Variants in PCNX1 observed in about 807,000 individuals in gnomAD.
The protein encoded by PCNX1 is pecanex 1.
In PCNX1, 78 loss-of-function variants were observed where a neutral mutation model predicts 242.2. The observed-to-expected ratio is 0.32, with a 90% CI of 0.27 to 0.39. The LOEUF (loss-of-function observed/expected upper bound fraction) is 0.39, where lower values mean the gene tolerates loss of function less well. PCNX1 is among the 10% of genes least tolerant of loss of function. The pLI, the probability that PCNX1 is intolerant of heterozygous loss-of-function variation, is 1.00. For synonymous variants in PCNX1, 1,024 were observed against 1,032.9 expected, an observed-to-expected ratio of 0.99 and a Z score of 0.17; for missense variants, 2,581 against 2,856.5, an observed-to-expected ratio of 0.90 and a Z score of 2.20.
chr14:71,028,925 C>CA, intron 16 of PCNX1, 134 bp downstream of exon 16: 1 of 512,626 alleles, frequency 2.0e-6, no homozygotes, highest in Non-Finnish European at 3.4e-6. Flanking sequence ...ATATGTTAAA[C>CA]ATTATTCTCA....
At chr14:71,045,390 G>T (rs1269525310) in intron 20 of PCNX1, 107 bp downstream of exon 20, 37 of 821,800 alleles carry the variant, frequency 4.5e-5, no homozygotes, top group Non-Finnish European at 6.5e-5. Context: ...CATTTGGCTT[G>T]TGTTTCTTTT....
Position 71,033,828 on chromosome 14 carries a change from A to C in PCNX1, c.3669-103A>C, listed in dbSNP as rs539237306. On this transcript the variant is annotated intron_variant, in intron 17 of 35. Coordinates refer to ENST00000304743, the MANE Select transcript of PCNX1 (RefSeq NM_014982.3). ...ATTTCTCATTTGGTAATGATTAAATATACTCGAATCATTTGGTTTTCTATC... is the reference window on the plus strand; with the variant it reads ...ATTTCTCATTTGGTAATGATTAAATCTACTCGAATCATTTGGTTTTCTATC... The C allele has an allele frequency of 9.5e-4, 653 of 685,930 alleles. 3 individuals carry two copies. The highest frequency in any genetic ancestry group is 1.6e-3 in the Non-Finnish European group (602 of 387,104). The allele number at this position is 685,930 out of a possible 1,614,324, so 42.5% of individuals were successfully genotyped here. A position where few individuals can be genotyped will look rare whatever the true frequency, so the allele number is the denominator to read the frequency against.
intron 13 of PCNX1, among the ~76,000 whole-genome samples, chr14:71,025,776 G>A (rs547692421): frequency 1.3e-5 from 2 of 152,236 alleles, no homozygotes; most frequent in African/African-American, 2.4e-5. Context: ...GGCTGAGGCA[G>A]GAGGATCACT....
intron 2 of PCNX1, among the ~76,000 whole-genome samples, chr14:70,955,162 C>G (rs963147834): frequency 6.6e-6 from 1 of 152,098 alleles, no homozygotes; most frequent in East Asian, 1.9e-4. Flanking sequence ...ATTTCTAATG[C>G]TTCAGGAAGT....
intron 9 of PCNX1, among the ~76,000 whole-genome samples, chr14:71,011,263 G>A (rs780634161): frequency 8.5e-5 from 13 of 152,244 alleles, no homozygotes; most frequent in Admixed American, 1.3e-4. Context: ...AAGAGGAAAC[G>A]CAAGTATGAA....
intron 7 of PCNX1, among the ~76,000 whole-genome samples, chr14:70,993,253 T>A (rs1001254198): frequency 6.6e-6 from 1 of 151,564 alleles, no homozygotes; most frequent in Non-Finnish European, 1.5e-5. Flanking sequence ...CCCTAGTAGC[T>A]GGGATTACAG....
At chr14:70,976,706 C>T (rs898205314) in intron 5 of PCNX1, among the ~76,000 whole-genome samples, 1 of 151,982 alleles carries the variant, frequency 6.6e-6, no homozygotes, top group Non-Finnish European at 1.5e-5. Flanking sequence ...TGTTGATAGT[C>T]TATACAACTC....
At chr14:71,023,128 G>T in intron 12 of PCNX1, 72 bp from the exon 13 acceptor site, 1 of 1,051,024 alleles carries the variant, frequency 9.5e-7, no homozygotes, top group Non-Finnish European at 1.5e-6. Context: ...ATTCATTTCA[G>T]GCATTTTGAA....
chr14:70,978,402 C>T lies in PCNX1; in HGVS notation c.2065C>T (p.Arg689Ter). 1.2e-6 allele frequency: 2 copies of T among 1,614,154 alleles called. No individual in the cohort carries two copies. The highest frequency in any genetic ancestry group is 8.5e-7 in the Non-Finnish European group (1 of 1,180,030). The change falls in exon 6 of 36, where the codon CGA (arginine) becomes TGA (stop). Residue 689 changes from arginine (R) to a stop codon, truncating the protein, a stop_gained. Transcript: ENST00000304743. LOFTEE classifies it high-confidence loss of function. ...CACAAATAGTGCCAAGACTCGTGCC[C>T]GAGTGTTGAGCCTGGACAGTGGCAC... The part of the protein sequence containing the change: ...SSTNSAKTRA[R>*]VLSLDSGTVA...
At chr14:70,956,944 C>G (rs1201579962) in intron 2 of PCNX1, among the ~76,000 whole-genome samples, 2 of 152,004 alleles carry the variant, frequency 1.3e-5, no homozygotes, top group African/African-American at 4.8e-5. Flanking sequence ...AAAGCACGTA[C>G]TGCTATGACT....
chr14:71,108,702 C>T lies in PCNX1; in HGVS notation c.6400C>T (p.Arg2134Trp), dbSNP rs771211340. The T allele has an allele frequency of 1.4e-5, 22 of 1,614,094 alleles. No individual in the cohort carries two copies. Among genetic ancestry groups the T allele is most frequent in the East Asian group, 2.2e-5 (1 of 44,900 alleles). ...CCAGTCTTCCTACTGCTATAGCAGC[C>T]GGCATTCATCCCTCCGGATGTCCAC... The part of the protein sequence containing the change: ...ASQSSYCYSS[R>W]HSSLRMSTTG... Residue 2134 changes from arginine to tryptophan, a missense_variant, in exon 34 of 36, where the codon CGG becomes TGG. Physicochemically the swap from Arg to Trp is moderately radical, Grantham distance 101. This residue lies in a region of PCNX1 where 432 missense variants were observed against 433.6 expected (regional missense o/e 1.00). Transcript: ENST00000304743.
rs1160806383 is a variant in PCNX1, at chr14:70,977,290, C to A, written c.953C>A (p.Ser318Tyr). The change falls in exon 6 of 36, where the codon TCT becomes TAT. Residue 318 changes from serine to tyrosine, a missense_variant. Around this residue, in one of 9 missense-constraint regions of PCNX1, gnomAD observed 1,204 missense variants for 1,216.7 expected, o/e 0.99. Coordinates refer to ENST00000304743, the MANE Select transcript of PCNX1 (RefSeq NM_014982.3). Reference sequence around the variant, plus strand: ...TTAGATCCAGTTAGTGAGTTAGAATCTTCCAAGCCTCTTTCTGGATCCAAA... The same window carrying A: ...TTAGATCCAGTTAGTGAGTTAGAATATTCCAAGCCTCTTTCTGGATCCAAA... The part of the protein sequence containing the change: ...RGLDPVSELE[S>Y]SKPLSGSKES... The A allele has an allele frequency of 1.2e-6, 2 of 1,614,222 alleles. No homozygotes were observed. Among genetic ancestry groups the A allele is most frequent in the African/African-American group, 2.7e-5 (2 of 75,060 alleles).
At chr14:71,004,431 C>T (rs2059595895) in intron 8 of PCNX1, among the ~76,000 whole-genome samples, 1 of 152,208 alleles carries the variant, frequency 6.6e-6, no homozygotes, top group South Asian at 2.1e-4. Context: ...TGGCAGCATT[C>T]AGTTTTCATA....
rs221924 is a variant in PCNX1 at position 71,114,061 on chromosome 14, G to A, written c.*4126G>A. On this transcript the variant is annotated 3_prime_UTR_variant, in exon 36 of 36. Transcript: ENST00000304743. The stretch of plus-strand genomic sequence containing the variant: ...TTCAGAGATTAGTGGAGATAATAAC[G>A]TCAGTCAAGGCTAATGTGGTACATG... 70,099 of 151,830 alleles carry A rather than the reference G, an allele frequency of 0.46. 17,146 individuals are homozygous for A. The highest frequency in any genetic ancestry group is 0.55 in the Non-Finnish European group (37,444 of 67,922). The allele number at this position is 151,830 out of a possible 1,614,324, so 9.4% of individuals were successfully genotyped here. A position where few individuals can be genotyped will look rare whatever the true frequency, so the allele number is the denominator to read the frequency against.
chr14:70,932,451 C>G (rs928233735), intron 1 of PCNX1, among the ~76,000 whole-genome samples: 1 of 151,984 alleles, frequency 6.6e-6, no homozygotes, highest in Non-Finnish European at 1.5e-5. Context: ...TTTAGAGAGA[C>G]AGTAAGACAC....
chr14:71,052,419 C>G (rs985211765), intron 24 of PCNX1, among the ~76,000 whole-genome samples: 36 of 151,900 alleles, frequency 2.4e-4, no homozygotes, highest in African/African-American at 8.5e-4. Context: ...GACTGTGTTG[C>G]CTATACTGCT....
intron 33 of PCNX1, among the ~76,000 whole-genome samples, chr14:71,107,379 T>G (rs2062654814): frequency 6.6e-6 from 1 of 152,080 alleles, no homozygotes; most frequent in African/African-American, 2.4e-5. Flanking sequence ...TTTGCTGAAG[T>G]TTTTTAAAGT....
chr14:71,082,916 T>C (rs548254159), intron 28 of PCNX1, among the ~76,000 whole-genome samples: 1 of 152,318 alleles, frequency 6.6e-6, no homozygotes, highest in South Asian at 2.1e-4. Flanking sequence ...TTTTGCCCAT[T>C]AGTTGATGCA....
At chr14:70,995,971 A>G (rs2059338833) in intron 8 of PCNX1, 46 bp downstream of exon 8, 1 of 1,372,602 alleles carries the variant, frequency 7.3e-7, no homozygotes, top group African/African-American at 1.4e-5. Context: ...ACTTTAATGC[A>G]GCAGATGATG....
Sources: gnomAD v4.1 joint callset for allele counts (sites outside exome capture counted in the v4.1 genomes callset) on GRCh38, gnomAD v4.1.1 for gene constraint, gnomAD v4.1.1 regional missense constraint, MANE v1.5 for transcripts, NCBI Gene and HGNC (gene_info 2026-07-23, HGNC 2026-07-21) for gene names.